The following PCNX2 variants were observed in gnomAD, a reference collection of about 807,000 sequenced individuals.
PCNX2 encodes pecanex-like protein 2.
PCNX2 carries 168 observed loss-of-function variants against 223.8 expected under a neutral mutation model. The ratio of observed to expected loss-of-function variants is 0.75; its 90% CI spans 0.66 to 0.85. PCNX2 has a LOEUF of 0.85. Ranked by LOEUF, PCNX2 falls within the 40% of genes least tolerant of loss-of-function variation. PCNX2 has a pLI of 0.00. For missense variants in PCNX2, 2,507 were observed against 2,675.5 expected, an observed-to-expected ratio of 0.94 and a Z score of 1.39; for synonymous variants, 1,006 against 1,052.6, an observed-to-expected ratio of 0.96 and a Z score of 0.86.
intron 23 of PCNX2, among the ~76,000 whole-genome samples, chr1:233,071,597 G>T (rs1201193357): frequency 6.6e-6 from 1 of 152,084 alleles, no homozygotes; most frequent in East Asian, 1.9e-4. Flanking sequence ...GAATAGTGCT[G>T]CAATGAACAT....
intron 15 of PCNX2, among the ~76,000 whole-genome samples, chr1:233,183,227 A>T (rs532098679): frequency 1.3e-5 from 2 of 152,152 alleles, no homozygotes; most frequent in South Asian, 4.1e-4. Context: ...AGCATCTCCT[A>T]TGTGTGCCCA....
At chr1:233,199,946 C>G (rs1053863546) in intron 14 of PCNX2, among the ~76,000 whole-genome samples, 1 of 152,160 alleles carries the variant, frequency 6.6e-6, no homozygotes, top group Non-Finnish European at 1.5e-5. Flanking sequence ...TCTGTGCTTA[C>G]GCTCAACCAA....
chr1:233,215,948 T>G (rs925012251), intron 12 of PCNX2, among the ~76,000 whole-genome samples: 2 of 152,228 alleles, frequency 1.3e-5, no homozygotes, highest in African/African-American at 4.8e-5. Context: ...TAGCAATGTA[T>G]GCCATGTGAT....
chr1:233,062,505 T>A (rs914686112), intron 23 of PCNX2, among the ~76,000 whole-genome samples: 2 of 152,236 alleles, frequency 1.3e-5, no homozygotes, highest in Non-Finnish European at 2.9e-5. Context: ...TATATTTTCA[T>A]TGTGAATTTT....
At chr1:233,018,680 C>T (rs966420639) in intron 26 of PCNX2, 12 of 832,870 alleles carry the variant, frequency 1.4e-5, no homozygotes, top group African/African-American at 7.4e-5. Context: ...CAGCGTGCAC[C>T]GCAGTTCCAT....
At chr1:233,034,375 A>C (rs1671373922) in intron 25 of PCNX2, among the ~76,000 whole-genome samples, 1 of 152,196 alleles carries the variant, frequency 6.6e-6, no homozygotes, top group Admixed American at 6.5e-5. Context: ...GGCTGTCTGC[A>C]GACCAGGAAA....
intron 21 of PCNX2, among the ~76,000 whole-genome samples, chr1:233,096,499 G>C (rs770829552): frequency 1.8e-4 from 28 of 152,236 alleles, no homozygotes; most frequent in Middle Eastern, 6.8e-3. Flanking sequence ...GAGAAGGATG[G>C]ACTACTCTGT....
the PCNX2 span, among the ~76,000 whole-genome samples, chr1:233,319,463 G>C: frequency 6.6e-6 from 1 of 152,212 alleles, no homozygotes; most frequent in South Asian, 2.1e-4. Flanking sequence ...GCATAATCAC[G>C]CTCTGAGCTT....
At chr1:233,115,328 T>C (rs895982679) in intron 21 of PCNX2, among the ~76,000 whole-genome samples, 1 of 152,012 alleles carries the variant, frequency 6.6e-6, no homozygotes, top group African/African-American at 2.4e-5. Flanking sequence ...GAACTCAATA[T>C]AATAACACTA....
chr1:233,046,522 C>A (rs1057482861), intron 25 of PCNX2, among the ~76,000 whole-genome samples: 6 of 152,144 alleles, frequency 3.9e-5, no homozygotes, highest in African/African-American at 1.4e-4. Context: ...TACAACTGAA[C>A]TGGGTTTAAA....
intron 23 of PCNX2, among the ~76,000 whole-genome samples, chr1:233,066,455 C>T (rs1221948297): frequency 6.6e-6 from 1 of 152,228 alleles, no homozygotes; most frequent in African/African-American, 2.4e-5. Context: ...ATATTCCCCT[C>T]ATCCAGCGAG....
chr1:233,247,906 T>G (rs1244075076), intron 8 of PCNX2, among the ~76,000 whole-genome samples: 1 of 149,226 alleles, frequency 6.7e-6, no homozygotes, highest in Non-Finnish European at 1.5e-5. Context: ...GTGCTGAGAT[T>G]GCAGGTGTGA....
At chr1:233,301,576 A>G in the PCNX2 span, among the ~76,000 whole-genome samples, 1 of 152,182 alleles carries the variant, frequency 6.6e-6, no homozygotes, top group African/African-American at 2.4e-5. Flanking sequence ...AAAGGATTAC[A>G]TACTATGACC....
At chr1:233,203,946 A>C (rs1681290211) in intron 13 of PCNX2, among the ~76,000 whole-genome samples, 1 of 152,194 alleles carries the variant, frequency 6.6e-6, no homozygotes, top group African/African-American at 2.4e-5. Flanking sequence ...GAAGCACAAT[A>C]AATCGACGGG....
intron 21 of PCNX2, among the ~76,000 whole-genome samples, chr1:233,127,183 C>A (rs57577705): frequency 0.024 from 3,705 of 152,252 alleles, 115 homozygotes; most frequent in African/African-American, 0.084. Context: ...CAGCCGTCAG[C>A]TGATATAGGA....
chr1:233,205,327 A>C (rs1375868901), intron 13 of PCNX2, among the ~76,000 whole-genome samples: 1 of 152,232 alleles, frequency 6.6e-6, no homozygotes, highest in Non-Finnish European at 1.5e-5. Flanking sequence ...GTCCAAATGG[A>C]CTATAGCCTT....
intron 19 of PCNX2, among the ~76,000 whole-genome samples, chr1:233,158,646 T>C (rs1019038731): frequency 5.3e-5 from 8 of 151,880 alleles, no homozygotes; most frequent in Admixed American, 5.3e-4. Context: ...TATAAGGAAA[T>C]GTATAGGTAA....
chr1:233,207,958 A>AT lies in PCNX2; in HGVS notation c.2863+559dup, dbSNP rs1395612620. Among the ~76,000 whole-genome samples the AT allele has an allele frequency of 6.2e-3, 900 of 146,012 alleles. 5 individuals are homozygous for AT. Among genetic ancestry groups the AT allele is most frequent in the African/African-American group, 0.017 (676 of 40,204 alleles). ...ACAACCATTCTTCAGATGAGCATTT[A>AT]TTTTTTTTTTTTTTGAGAAAGAGTT... On this transcript the variant is annotated intron_variant, in intron 13 of 33. Coordinates refer to ENST00000258229, the MANE Select transcript of PCNX2 (RefSeq NM_014801.4).
At chr1:233,261,233 T>A in intron 4 of PCNX2, 52 bp downstream of exon 4, 1 of 1,476,132 alleles carries the variant, frequency 6.8e-7, no homozygotes, top group Non-Finnish European at 9.5e-7. Flanking sequence ...AAAATATTTC[T>A]CACTTCACTG....
Sources: gnomAD v4.1 joint callset for allele counts (sites outside exome capture counted in the v4.1 genomes callset) on GRCh38, gnomAD v4.1.1 for gene constraint, MANE v1.5 for transcripts, NCBI Gene and HGNC (gene_info 2026-07-23, HGNC 2026-07-21) for gene names.